CDH20: variants seen among roughly 807,000 people sequenced by gnomAD.
CDH20 encodes the protein cadherin-20.
In CDH20, 29 loss-of-function variants were observed where a neutral mutation model predicts 74.2. That is an observed-to-expected ratio of 0.39 (90% CI 0.29 to 0.53). CDH20 has a LOEUF of 0.53. Among genes scored for constraint, CDH20 ranks in the 20% least tolerant of loss-of-function variants. CDH20 has a pLI of 0.69. For missense variants in CDH20, 988 were observed against 1,048.3 expected, an observed-to-expected ratio of 0.94 and a Z score of 0.79; for synonymous variants, 469 against 405.4, an observed-to-expected ratio of 1.16 and a Z score of -1.88.
intron 10 of CDH20, among the ~76,000 whole-genome samples, chr18:61,548,483 C>T (rs530241740): frequency 6.6e-6 from 1 of 152,284 alleles, no homozygotes; most frequent in South Asian, 2.1e-4. Flanking sequence ...ATGCAAAGTC[C>T]AGGTACATGG....
At chr18:61,396,386 G>A (rs544207557) in intron 1 of CDH20, among the ~76,000 whole-genome samples, 7 of 151,928 alleles carry the variant, frequency 4.6e-5, no homozygotes, top group African/African-American at 1.2e-4. Context: ...ACCTCTGTGG[G>A]TACCTTCACC....
At chr18:61,506,407 G>C (rs922247434) in intron 5 of CDH20, among the ~76,000 whole-genome samples, 1 of 152,140 alleles carries the variant, frequency 6.6e-6, no homozygotes, top group Non-Finnish European at 1.5e-5. Flanking sequence ...AGCTGGCTGG[G>C]TGCTGTCAAC....
rs78521445 is a variant in CDH20, at chr18:61,503,569, G to C, written c.829+449G>C. 5.3e-3 allele frequency among the ~76,000 whole-genome samples: 800 copies of C among 152,320 alleles called. 25 individuals carry two copies. The highest frequency in any genetic ancestry group is 0.037 in the East Asian group (190 of 5,174). On this transcript the variant is annotated intron_variant, in intron 5 of 11. Transcript: ENST00000262717. The stretch of plus-strand genomic sequence containing the variant: ...GCATTCACTGATACCCAAAGCTGTA[G>C]ATGGACACACCTGCCCATGTGACGA...
At chr18:61,485,123 G>A (rs995366997) in intron 1 of CDH20, among the ~76,000 whole-genome samples, 2 of 151,916 alleles carry the variant, frequency 1.3e-5, no homozygotes, top group African/African-American at 4.9e-5. Flanking sequence ...AGCAAGAGTG[G>A]TGACCACCTT....
chr18:61,392,642 A>T (rs1911832535), intron 1 of CDH20, among the ~76,000 whole-genome samples: 1 of 152,166 alleles, frequency 6.6e-6, no homozygotes, highest in South Asian at 2.1e-4. Context: ...GCTACATATT[A>T]AACACATTTT....
At position 61,353,917 on chromosome 18, in the gene CDH20, A is replaced by G. The variant is rs1168202267; in HGVS notation, c.-153+20090A>G. ...GGCAACATAGCAAAACCCCATCTCTACCAAAAATACAAAATATTAGTTGGG... is the reference window on the plus strand; with the variant it reads ...GGCAACATAGCAAAACCCCATCTCTGCCAAAAATACAAAATATTAGTTGGG... On this transcript the variant is annotated intron_variant, in intron 1 of 11. Transcript: ENST00000262717. The surrounding 1 kb of genome is among the most constrained non-coding windows in gnomAD (Gnocchi z 4.6). Among the ~76,000 whole-genome samples the G allele has an allele frequency of 1.3e-5, 2 of 151,982 alleles. No homozygotes were observed. The highest frequency in any genetic ancestry group is 2.9e-5 in the Non-Finnish European group (2 of 68,006).
chr18:61,354,342 T>C (rs1242381627), intron 1 of CDH20, among the ~76,000 whole-genome samples: 2 of 152,020 alleles, frequency 1.3e-5, no homozygotes, highest in Non-Finnish European at 2.9e-5. Flanking sequence ...GTGTGGTGGC[T>C]CACGCCTGTG....
intron 1 of CDH20, among the ~76,000 whole-genome samples, chr18:61,478,849 A>G (rs898431737): frequency 5.9e-5 from 9 of 152,176 alleles, no homozygotes; most frequent in Non-Finnish European, 5.9e-5. Context: ...TAGAATTTCT[A>G]ATGTCTAGAA....
intron 1 of CDH20, among the ~76,000 whole-genome samples, chr18:61,340,456 GT>G (rs1599024170): frequency 6.6e-6 from 1 of 152,044 alleles, no homozygotes; most frequent in East Asian, 1.9e-4. Flanking sequence ...GTACAGGAAA[GT>G]TTTTTTGTTG....
At chr18:61,517,712 T>TG (rs1311148104) in intron 6 of CDH20, among the ~76,000 whole-genome samples, 1 of 22,294 alleles carries the variant, frequency 4.5e-5, no homozygotes, top group Admixed American at 5.8e-4. Flanking sequence ...TTGTTGTTGT[T>TG]TTGTTTTGTT....
rs7236415 is a variant in CDH20 at position 61,444,462 on chromosome 18, G to T, written c.-152-45940G>T. On this transcript the variant is annotated intron_variant, in intron 1 of 11. Transcript: ENST00000262717. ...AATATGGTATGGGATATGCTTGAAGGCTAATACCCTTGTAAAAACAGACTG... is the reference window on the plus strand; with the variant it reads ...AATATGGTATGGGATATGCTTGAAGTCTAATACCCTTGTAAAAACAGACTG... Among the ~76,000 whole-genome samples, 341 of 152,300 alleles carry T rather than the reference G, an allele frequency of 2.2e-3. 1 individual carries two copies. The highest frequency in any genetic ancestry group is 7.8e-3 in the African/African-American group (324 of 41,558).
chr18:61,424,380 T>TA (rs1426716904), intron 1 of CDH20, among the ~76,000 whole-genome samples: 1 of 152,250 alleles, frequency 6.6e-6, no homozygotes, highest in Non-Finnish European at 1.5e-5. Context: ...CAATGTTTAC[T>TA]AAATGGGAGG....
At chr18:61,351,593 T>C (rs1224207663) in intron 1 of CDH20, among the ~76,000 whole-genome samples, 1 of 152,182 alleles carries the variant, frequency 6.6e-6, no homozygotes, top group Non-Finnish European at 1.5e-5. Flanking sequence ...CTTGTTTAGT[T>C]TGCCTCTATG....
intron 11 of CDH20, 94 bp downstream of exon 11, chr18:61,550,323 G>GTC: frequency 6.9e-7 from 1 of 1,441,128 alleles, no homozygotes; most frequent in Non-Finnish European, 9.5e-7. Flanking sequence ...TTCAGAACTG[G>GTC]TCTTCCACAC....
chr18:61,498,399 C>CAA (rs55721858), intron 2 of CDH20, among the ~76,000 whole-genome samples: 1 of 145,386 alleles, frequency 6.9e-6, no homozygotes. Context: ...AACTCTGTCT[C>CAA]AAAAAAAAAA....
chr18:61,490,477 ATTTT>A lies in CDH20; in HGVS notation c.-73_-70del, dbSNP rs564783201. 2 of 1,461,444 alleles carry A rather than the reference ATTTT, an allele frequency of 1.4e-6. No homozygotes were observed. The highest frequency in any genetic ancestry group is 3.6e-5 in the Admixed American group (2 of 55,874). The allele number at this position is 1,461,444 out of a possible 1,614,324, so 90.5% of individuals were successfully genotyped here. ...ATAAGTGTCCAATCAAAAACTGTGT[ATTTT>A]TTTAAATTTGGAAAATACTCAAGTT... On this transcript the variant is annotated 5_prime_UTR_variant, in exon 2 of 12. Coordinates refer to ENST00000262717, the MANE Select transcript of CDH20 (RefSeq NM_031891.4).
intron 1 of CDH20, among the ~76,000 whole-genome samples, chr18:61,434,168 G>T (rs1261175373): frequency 6.6e-6 from 1 of 152,104 alleles, no homozygotes; most frequent in Non-Finnish European, 1.5e-5. Context: ...ATCAGGATGT[G>T]TGTAAAATCA....
chr18:61,509,917 T>A (rs572380044), intron 6 of CDH20, among the ~76,000 whole-genome samples: 9 of 151,874 alleles, frequency 5.9e-5, no homozygotes, highest in Non-Finnish European at 1.2e-4. Flanking sequence ...AAGAGAAGAG[T>A]CAACCAAGCA....
chr18:61,415,328 T>C lies in CDH20; in HGVS notation c.-152-75074T>C, dbSNP rs1378287697. ...CAATAAAGAGATAATGAAAAACTTA[T>C]TTAACATTTCATAAGAAGTTAAACA... On this transcript the variant is annotated intron_variant, in intron 1 of 11. Transcript: ENST00000262717. Among the ~76,000 whole-genome samples the C allele has an allele frequency of 3.3e-5, 5 of 152,308 alleles. No homozygotes were observed. In the South Asian group the frequency reaches 8.3e-4, roughly 25 times the overall value.
Sources: gnomAD v4.1 joint callset for allele counts (sites outside exome capture counted in the v4.1 genomes callset) on GRCh38, gnomAD v4.1.1 for gene constraint, Gnocchi (gnomAD v3.1) non-coding constraint, MANE v1.5 for transcripts, NCBI Gene and HGNC (gene_info 2026-07-23, HGNC 2026-07-21) for gene names.